PPP1R21: variants seen among roughly 807,000 people sequenced by gnomAD.
The protein encoded by PPP1R21 is protein phosphatase 1 regulatory subunit 21, also known as KLRAQ motif containing 1.
PPP1R21 carries 85 observed loss-of-function variants against 112.8 expected under a neutral mutation model. The ratio of observed to expected loss-of-function variants is 0.75; its 90% CI spans 0.63 to 0.90. The LOEUF is 0.90. PPP1R21 is among the 40% of genes least tolerant of loss of function. PPP1R21 has a pLI of 0.00. For synonymous variants in PPP1R21, 381 were observed against 322.3 expected, an observed-to-expected ratio of 1.18 and a Z score of -1.95; for missense variants, 1,199 against 901.5, an observed-to-expected ratio of 1.33 and a Z score of -4.23.
chr2:48,497,452 G>A (rs957113083), intron 16 of PPP1R21, among the ~76,000 whole-genome samples: 2 of 152,058 alleles, frequency 1.3e-5, no homozygotes, highest in Non-Finnish European at 2.9e-5. Context: ...CCATTCTCCT[G>A]CCTTCTAGCA....
intron 1 of PPP1R21, among the ~76,000 whole-genome samples, chr2:48,444,778 A>C (rs1667175373): frequency 6.6e-6 from 1 of 152,222 alleles, no homozygotes; most frequent in African/African-American, 2.4e-5. Flanking sequence ...GATTGGATTC[A>C]TGCTAACATT....
intron 9 of PPP1R21, among the ~76,000 whole-genome samples, chr2:48,470,458 T>A (rs1046578240): frequency 1.2e-4 from 18 of 149,582 alleles, no homozygotes; most frequent in Middle Eastern, 3.5e-3. Context: ...AGGCAGAGGT[T>A]GCAGTGAGCC....
intron 8 of PPP1R21, 60 bp downstream of exon 8, chr2:48,465,049 C>G: frequency 1.5e-6 from 2 of 1,359,080 alleles, no homozygotes; most frequent in Non-Finnish European, 2.0e-6. Flanking sequence ...TTTCCAGAAA[C>G]AAGAATTAGT....
In PPP1R21 at chr2:48,514,769, G is replaced by A. The variant is rs145793868; in HGVS notation, c.*25G>A. On this transcript the variant is annotated 3_prime_UTR_variant, in exon 22 of 22. Coordinates refer to ENST00000294952, the MANE Select transcript of PPP1R21 (RefSeq NM_001135629.3). ...GTTTTGAAATAGCTGGTTGGCGACT[G>A]TTCTTTCCAGACCTGCTCCTGCTGC... The A allele has an allele frequency of 1.9e-6, 3 of 1,612,762 alleles. No individual in the cohort carries two copies. Among genetic ancestry groups the A allele is most frequent in the East Asian group, 4.5e-5 (2 of 44,880 alleles).
intron 1 of PPP1R21, among the ~76,000 whole-genome samples, chr2:48,447,979 A>G (rs952916522): frequency 6.9e-6 from 1 of 145,454 alleles, no homozygotes; most frequent in Non-Finnish European, 1.5e-5. Context: ...ATAATAAAAT[A>G]AAAAAAAAAG....
intron 1 of PPP1R21, among the ~76,000 whole-genome samples, chr2:48,445,625 T>C (rs1667212770): frequency 6.6e-6 from 1 of 152,200 alleles, no homozygotes. Flanking sequence ...TCTTCCTGTT[T>C]AGTTTAACTG....
intron 4 of PPP1R21, among the ~76,000 whole-genome samples, chr2:48,459,192 CACACAAACAG>C (rs1408867498): frequency 4.6e-5 from 7 of 151,352 alleles, no homozygotes; most frequent in African/African-American, 1.7e-4. Context: ...CACACACACA[CACACAAACAG>C]ACACGCTTTT....
intron 1 of PPP1R21, among the ~76,000 whole-genome samples, chr2:48,448,582 G>GAAATAAAATCTAACGTCTTTAGATTTATA (rs142178600): frequency 2.0e-5 from 3 of 151,738 alleles, no homozygotes; most frequent in Non-Finnish European, 4.4e-5. Context: ...GCAGGGGTAT[G>GAAATAAAATCTAACGTCTTTAGATTTATA]AAATAAAATC....
At chr2:48,469,450 AGC>A in intron 9 of PPP1R21, among the ~76,000 whole-genome samples, 1 of 96,752 alleles carries the variant, frequency 1.0e-5, no homozygotes, top group Non-Finnish European at 2.1e-5. Context: ...ATATAGAGAG[AGC>A]ATATATATAT....
At chr2:48,460,246 A>G (rs557803560) in intron 6 of PPP1R21, 93 bp downstream of exon 6, 27 of 1,282,670 alleles carry the variant, frequency 2.1e-5, no homozygotes, top group African/African-American at 3.0e-5. Flanking sequence ...TAATTGTCTT[A>G]CATTTAAAAG....
chr2:48,510,894 A>G (rs527360386), intron 20 of PPP1R21, among the ~76,000 whole-genome samples: 7 of 152,328 alleles, frequency 4.6e-5, no homozygotes, highest in African/African-American at 1.4e-4. Flanking sequence ...TTTGCAAAGA[A>G]ATTATGAATC....
At chr2:48,461,368 T>G in intron 7 of PPP1R21, 136 bp downstream of exon 7, 2 of 1,283,460 alleles carry the variant, frequency 1.6e-6, no homozygotes, top group Non-Finnish European at 2.0e-6. Context: ...CTTTGTTCAT[T>G]TGATCAGCCG....
chr2:48,514,776 C>G lies in PPP1R21; in HGVS notation c.*32C>G, dbSNP rs1670801124. On this transcript the variant is annotated 3_prime_UTR_variant, in exon 22 of 22. Transcript: ENST00000294952. ...AATAGCTGGTTGGCGACTGTTCTTT[C>G]CAGACCTGCTCCTGCTGCACAGAGC... The G allele has an allele frequency of 2.5e-6, 4 of 1,611,736 alleles. No homozygotes were observed. Among genetic ancestry groups the G allele is most frequent in the Non-Finnish European group, 3.4e-6 (4 of 1,178,532 alleles).
chr2:48,500,508 A>T (rs1224129892), intron 17 of PPP1R21, among the ~76,000 whole-genome samples: 1 of 152,182 alleles, frequency 6.6e-6, no homozygotes, highest in African/African-American at 2.4e-5. Flanking sequence ...AAGAATTAAA[A>T]TTTTTAGAAA....
chr2:48,445,831 C>T (rs1387173566), intron 1 of PPP1R21, among the ~76,000 whole-genome samples: 1 of 152,140 alleles, frequency 6.6e-6, no homozygotes, highest in Non-Finnish European at 1.5e-5. Flanking sequence ...TTATCCCTGT[C>T]CTGGGATAGC....
intron 12 of PPP1R21, among the ~76,000 whole-genome samples, chr2:48,477,088 A>T (rs777454592): frequency 2.9e-5 from 4 of 137,730 alleles, no homozygotes; most frequent in Non-Finnish European, 6.4e-5. Context: ...TCTTACTTAC[A>T]CTTAGGTTTA....
In PPP1R21 at chr2:48,498,268, T is replaced by G. The variant is rs7566996; in HGVS notation, c.1693-225T>G. On this transcript the variant is annotated intron_variant, in intron 16 of 21. Coordinates refer to ENST00000294952, the MANE Select transcript of PPP1R21 (RefSeq NM_001135629.3). ...TCTTTTCACTCTTGATGTTTTTCAA[T>G]GAGTAGAGTTTTTTTTTTTATCTCA... Among the ~76,000 whole-genome samples the G allele has an allele frequency of 0.3, 41,606 of 139,800 alleles. 6,167 individuals carry two copies. Among genetic ancestry groups the G allele is most frequent in the Middle Eastern group, 0.39 (110 of 280 alleles). 91.7% of individuals were successfully genotyped at this position (139,800 alleles called of 152,430 possible). A position where few individuals can be genotyped will look rare whatever the true frequency, so the allele number is the denominator to read the frequency against.
At chr2:48,491,673 T>C (rs1232072587) in intron 15 of PPP1R21, among the ~76,000 whole-genome samples, 3 of 152,114 alleles carry the variant, frequency 2.0e-5, no homozygotes, top group Non-Finnish European at 4.4e-5. Flanking sequence ...ATCCAAAAAA[T>C]GTTATTATAT....
chr2:48,448,495 A>C (rs1263608913), intron 1 of PPP1R21, among the ~76,000 whole-genome samples: 3 of 150,674 alleles, frequency 2.0e-5, no homozygotes, highest in Non-Finnish European at 4.4e-5. Context: ...CTTCATTCTT[A>C]GTCCTTGAAG....
Sources: allele counts gnomAD v4.1 joint callset (sites outside exome capture counted in the v4.1 genomes callset), GRCh38; gene constraint gnomAD v4.1.1; transcripts MANE v1.5; gene names NCBI Gene and HGNC (gene_info 2026-07-23, HGNC 2026-07-21).